Variants in DOCK4 observed in about 807,000 individuals in gnomAD.
The protein encoded by DOCK4 is dedicator of cytokinesis 4.
A neutral mutation model predicts 268.1 loss-of-function variants in DOCK4; 97 were observed. The observed-to-expected ratio is 0.36, with a 90% CI of 0.31 to 0.43. The LOEUF is 0.43. Ranked by LOEUF, DOCK4 falls within the 20% of genes least tolerant of loss-of-function variation. The pLI is 1.00. For synonymous variants in DOCK4, 954 were observed against 887.2 expected (o/e 1.08, Z -1.34); for missense variants, 2,145 against 2,455.7 (o/e 0.87, Z 2.67).
intron 27 of DOCK4, among the ~76,000 whole-genome samples, chr7:111,814,037 C>T (rs17546921): frequency 0.077 from 11,739 of 152,252 alleles, 570 homozygotes; most frequent in Non-Finnish European, 0.11. Flanking sequence ...TAAAAATCAC[C>T]TTGTGGTCCA....
rs1016773834 is a variant in DOCK4, at chr7:111,756,071, G to A, written c.4330-470C>T. On this transcript the variant is annotated intron_variant, in intron 41 of 52. Coordinates refer to ENST00000428084, the MANE Select transcript of DOCK4 (RefSeq NM_001363540.2). Reference sequence around the variant, plus strand: ...CTATGTTAAGGATGAGGACACAGCCGGGCACGGTGGCTCACGCCTGTAATC... The same window carrying A: ...CTATGTTAAGGATGAGGACACAGCCAGGCACGGTGGCTCACGCCTGTAATC... 8.5e-5 allele frequency among the ~76,000 whole-genome samples: 13 copies of A among 152,282 alleles called. 1 individual carries two copies. The highest frequency in any genetic ancestry group is 3.4e-3 in the Middle Eastern group (1 of 294).
intron 1 of DOCK4, among the ~76,000 whole-genome samples, chr7:112,010,938 G>T (rs535332747): frequency 6.6e-6 from 1 of 152,326 alleles, no homozygotes; most frequent in East Asian, 1.9e-4. Flanking sequence ...CCAAGGCAAA[G>T]CATGGTGGTA....
chr7:111,749,382 A>G (rs1048315143), intron 42 of DOCK4, among the ~76,000 whole-genome samples: 9 of 152,188 alleles, frequency 5.9e-5, no homozygotes, highest in African/African-American at 2.2e-4. Context: ...TTCAGTGAAT[A>G]TCGAGTTTGA....
chr7:112,070,850 T>A (rs1160017794), intron 1 of DOCK4, among the ~76,000 whole-genome samples: 1 of 152,300 alleles, frequency 6.6e-6, no homozygotes, highest in Non-Finnish European at 1.5e-5. Context: ...TGGAGCTTCA[T>A]GAGTTTGCTC....
intron 16 of DOCK4, among the ~76,000 whole-genome samples, chr7:111,887,865 A>C (rs1045333648): frequency 2.0e-5 from 3 of 152,014 alleles, no homozygotes; most frequent in African/African-American, 7.3e-5. Flanking sequence ...AGGGTCCCAG[A>C]AGAGTCAGGA....
chr7:112,160,359 T>G (rs186179796), intron 1 of DOCK4, among the ~76,000 whole-genome samples: 21 of 152,194 alleles, frequency 1.4e-4, no homozygotes, highest in Non-Finnish European at 2.6e-4. Flanking sequence ...ACTCACACAA[T>G]GCCAGAGAAC....
intron 1 of DOCK4, among the ~76,000 whole-genome samples, chr7:112,121,331 G>A (rs1175050712): frequency 6.6e-6 from 1 of 152,126 alleles, no homozygotes. Context: ...GTAGTAACAG[G>A]ATGCTATCCT....
intron 1 of DOCK4, among the ~76,000 whole-genome samples, chr7:112,142,578 C>A (rs1411117927): frequency 6.6e-6 from 1 of 152,116 alleles, no homozygotes. Context: ...TTAAATTAAA[C>A]ATTTTAGTCC....
intron 13 of DOCK4, 37 bp downstream of exon 13, chr7:111,915,742 C>A: frequency 6.2e-7 from 1 of 1,603,112 alleles, no homozygotes; most frequent in South Asian, 1.1e-5. Flanking sequence ...ATAGTATACC[C>A]ATATTTCATC....
At chr7:111,897,790 A>G (rs940754512) in intron 15 of DOCK4, among the ~76,000 whole-genome samples, 4 of 152,172 alleles carry the variant, frequency 2.6e-5, no homozygotes, top group African/African-American at 9.7e-5. Context: ...TCTAACAGAT[A>G]TCTCTGATTT....
chr7:111,828,872 ATGTG>A (rs933948555), intron 26 of DOCK4, among the ~76,000 whole-genome samples: 2 of 134,244 alleles, frequency 1.5e-5, no homozygotes, highest in East Asian at 2.1e-4. Flanking sequence ...AACACTAAAA[ATGTG>A]TGTGTGTGTG....
rs571660285 is a variant in DOCK4, at chr7:111,814,749, T to A, written c.2931-2800A>T. Among the ~76,000 whole-genome samples, 82 of 152,294 alleles carry A rather than the reference T, an allele frequency of 5.4e-4. 1 individual carries two copies. In the Middle Eastern group the frequency reaches 0.017, roughly 32 times the overall value. On this transcript the variant is annotated intron_variant, in intron 27 of 52. Coordinates refer to ENST00000428084, the MANE Select transcript of DOCK4 (RefSeq NM_001363540.2). ...TTTGTATGGGGCTTGCAGTTCTTAT[T>A]TCTAGATTGAACACCTCACCCTCTT... is the stretch of plus-strand genomic sequence containing the variant.
intron 30 of DOCK4, chr7:111,808,017 A>C (rs1015728851): frequency 1.3e-5 from 2 of 152,142 alleles, no homozygotes; most frequent in Non-Finnish European, 2.9e-5. Flanking sequence ...CCAATCTCCA[A>C]GTTGTACTTG....
intron 1 of DOCK4, among the ~76,000 whole-genome samples, chr7:112,048,900 G>A (rs577802701): frequency 4.9e-4 from 74 of 152,076 alleles, no homozygotes; most frequent in African/African-American, 1.7e-3. Context: ...AGCCCCACAC[G>A]CATTAGCTAT....
rs552201202 is a variant in DOCK4, at chr7:111,862,330, T to C, written c.2473+1042A>G. 3.3e-5 allele frequency among the ~76,000 whole-genome samples: 5 copies of C among 152,012 alleles called. No individual in the cohort carries two copies. In the East Asian group the frequency reaches 7.8e-4, roughly 24 times the overall value. ...AGCTAAAGCAAATAAGTGGTAATGT[T>C]AAGATTTGTTAATGATTTGCCATTA... On this transcript the variant is annotated intron_variant, in intron 23 of 52. Transcript: ENST00000428084.
chr7:111,910,187 T>C (rs1586341760), intron 13 of DOCK4, among the ~76,000 whole-genome samples: 2 of 152,148 alleles, frequency 1.3e-5, no homozygotes, highest in African/African-American at 4.8e-5. Flanking sequence ...CTGGAAAGAA[T>C]CACAGAGTAA....
chr7:111,790,751 G>T, intron 30 of DOCK4, 146 bp from the exon 31 acceptor site: 1 of 1,045,874 alleles, frequency 9.6e-7, no homozygotes, highest in Non-Finnish European at 1.3e-6. Flanking sequence ...AATAACCCAT[G>T]AGATACAATT....
chr7:112,108,828 C>G (rs948062368), intron 1 of DOCK4, among the ~76,000 whole-genome samples: 1 of 152,174 alleles, frequency 6.6e-6, no homozygotes, highest in East Asian at 1.9e-4. Context: ...CAAATGGACA[C>G]TGAAAGTGAA....
chr7:112,038,224 G>A (rs903326682), intron 1 of DOCK4, among the ~76,000 whole-genome samples: 2 of 151,806 alleles, frequency 1.3e-5, no homozygotes, highest in African/African-American at 4.8e-5. Flanking sequence ...TTTATTTTTC[G>A]ATGTTACTTG....
Sources: gnomAD v4.1 joint callset for allele counts (sites outside exome capture counted in the v4.1 genomes callset) on GRCh38, gnomAD v4.1.1 for gene constraint, MANE v1.5 for transcripts, NCBI Gene and HGNC (gene_info 2026-07-23, HGNC 2026-07-21) for gene names.